The following KIAA1958 variants were observed in gnomAD, a reference collection of about 807,000 sequenced individuals.
The protein encoded by KIAA1958 is uncharacterized protein KIAA1958.
Under a neutral mutation model 47.2 loss-of-function variants are expected in KIAA1958, and 14 were observed. The ratio of observed to expected loss-of-function variants is 0.30; its 90% CI spans 0.20 to 0.46. KIAA1958 has a LOEUF of 0.46. Among genes scored for constraint, KIAA1958 ranks in the 20% least tolerant of loss-of-function variants. The probability of loss-of-function intolerance (pLI) is 1.00; values close to 1 mark genes in which losing one functional copy is unlikely to be tolerated. For missense variants in KIAA1958, 803 were observed against 909.2 expected (o/e 0.88, Z 1.50); for synonymous variants, 354 against 353.3 (o/e 1.00, Z -0.02).
intron 1 of KIAA1958, among the ~76,000 whole-genome samples, chr9:112,541,722 T>C (rs1000535909): frequency 1.3e-5 from 2 of 152,048 alleles, no homozygotes; most frequent in African/African-American, 4.8e-5. Flanking sequence ...ATTCAATTGC[T>C]TGAACCCGGG....
chr9:112,595,249 CT>C (rs1835999838), intron 2 of KIAA1958, among the ~76,000 whole-genome samples: 1 of 152,164 alleles, frequency 6.6e-6, no homozygotes, highest in East Asian at 1.9e-4. Flanking sequence ...AGTGACGAAG[CT>C]ATAGCACTGA....
At chr9:112,563,402 G>A (rs911677009) in intron 1 of KIAA1958, among the ~76,000 whole-genome samples, 2 of 152,164 alleles carry the variant, frequency 1.3e-5, no homozygotes, top group Non-Finnish European at 2.9e-5. Context: ...TTTAATTTCT[G>A]TTAGCATTGT....
intron 1 of KIAA1958, among the ~76,000 whole-genome samples, chr9:112,544,942 T>G (rs1189049894): frequency 6.6e-6 from 1 of 152,124 alleles, no homozygotes; most frequent in Non-Finnish European, 1.5e-5. Context: ...CACTATACCA[T>G]CATATTAATC....
intron 1 of KIAA1958, among the ~76,000 whole-genome samples, chr9:112,502,932 A>T (rs566580504): frequency 6.6e-6 from 1 of 152,252 alleles, no homozygotes; most frequent in East Asian, 1.9e-4. Flanking sequence ...CTAGCCATTT[A>T]CAATGATGAT....
chr9:112,636,910 A>G (rs1836814351), intron 2 of KIAA1958, among the ~76,000 whole-genome samples: 1 of 152,056 alleles, frequency 6.6e-6, no homozygotes, highest in Non-Finnish European at 1.5e-5. Context: ...TTTTGGTCCC[A>G]TCTATTCTTT....
intron 1 of KIAA1958, among the ~76,000 whole-genome samples, chr9:112,501,005 G>A (rs1187100660): frequency 6.6e-6 from 1 of 151,946 alleles, no homozygotes; most frequent in Non-Finnish European, 1.5e-5. Context: ...TGGCTACTTG[G>A]GAGGCTGAGG....
chr9:112,493,749 CTG>C (rs1015015039), intron 1 of KIAA1958, among the ~76,000 whole-genome samples: 17 of 152,186 alleles, frequency 1.1e-4, no homozygotes, highest in African/African-American at 4.1e-4. Flanking sequence ...ATATTTAACA[CTG>C]TTTATCTGTG....
rs12346080 is a variant in KIAA1958 at position 112,621,110 on chromosome 9, G to A, written c.1172-24540G>A. ...ACCAGCTCATCATTAATTTCCAGTG[G>A]TTTGATCCAGAGCTGGGGACACAGT... On this transcript the variant is annotated intron_variant, in intron 2 of 3. Transcript: ENST00000337530. Among the ~76,000 whole-genome samples, 1,179 of 152,176 alleles carry A rather than the reference G, an allele frequency of 7.7e-3. 13 individuals are homozygous for A. Among genetic ancestry groups the A allele is most frequent in the African/African-American group, 0.022 (912 of 41,502 alleles).
intron 1 of KIAA1958, among the ~76,000 whole-genome samples, chr9:112,520,983 T>G (rs58048992): frequency 1.3e-5 from 2 of 152,338 alleles, no homozygotes; most frequent in Admixed American, 6.5e-5. Context: ...TGTTTTGTTT[T>G]CTATTTCTTT....
At chr9:112,536,344 G>A (rs1416422709) in intron 1 of KIAA1958, among the ~76,000 whole-genome samples, 5 of 152,178 alleles carry the variant, frequency 3.3e-5, no homozygotes, top group Admixed American at 3.3e-4. Flanking sequence ...CAAAGTTAGA[G>A]GAGTTAGGAT....
chr9:112,604,086 G>A (rs931219435), intron 2 of KIAA1958, among the ~76,000 whole-genome samples: 1 of 152,042 alleles, frequency 6.6e-6, no homozygotes, highest in African/African-American at 2.4e-5. Flanking sequence ...TTTTAAATTG[G>A]GTACTGTAGC....
chr9:112,586,669 C>T (rs1451048096), intron 2 of KIAA1958, among the ~76,000 whole-genome samples: 1 of 152,168 alleles, frequency 6.6e-6, no homozygotes, highest in Non-Finnish European at 1.5e-5. Flanking sequence ...ATGATTAAGA[C>T]TTCCAAATAT....
At chr9:112,546,829 T>C (rs1835042849) in intron 1 of KIAA1958, among the ~76,000 whole-genome samples, 1 of 152,168 alleles carries the variant, frequency 6.6e-6, no homozygotes. Flanking sequence ...TGAACTCGTC[T>C]TTTCTCTAGG....
At chr9:112,531,709 C>T (rs1564161663) in intron 1 of KIAA1958, among the ~76,000 whole-genome samples, 2 of 152,146 alleles carry the variant, frequency 1.3e-5, no homozygotes, top group Admixed American at 6.5e-5. Flanking sequence ...ACTAGTGAAC[C>T]GGTTCCTATT....
chr9:112,558,080 C>T (rs1262256906), intron 1 of KIAA1958, among the ~76,000 whole-genome samples: 1 of 151,960 alleles, frequency 6.6e-6, no homozygotes, highest in Admixed American at 6.6e-5. Flanking sequence ...AAAAAATTAG[C>T]CGGGCATCGT....
intron 1 of KIAA1958, among the ~76,000 whole-genome samples, chr9:112,546,946 A>G (rs1835045893): frequency 6.6e-6 from 1 of 151,662 alleles, no homozygotes; most frequent in Non-Finnish European, 1.5e-5. Context: ...AGAAATATGT[A>G]TATATATATA....
chr9:112,558,618 C>G (rs906820356), intron 1 of KIAA1958, among the ~76,000 whole-genome samples: 7 of 152,150 alleles, frequency 4.6e-5, no homozygotes, highest in African/African-American at 1.7e-4. Context: ...TTCAGAGTTT[C>G]TAAAATATTT....
intron 1 of KIAA1958, among the ~76,000 whole-genome samples, chr9:112,503,615 T>TAA (rs1341928186): frequency 6.1e-5 from 1 of 16,262 alleles, no homozygotes. Flanking sequence ...AGACCCTGTC[T>TAA]CAAAAAAAAA....
At chr9:112,583,768 C>T (rs1299107357) in intron 2 of KIAA1958, among the ~76,000 whole-genome samples, 1 of 152,128 alleles carries the variant, frequency 6.6e-6, no homozygotes, top group Non-Finnish European at 1.5e-5. Context: ...CACAGACACA[C>T]ACACTTAATT....
Sources: gnomAD v4.1 joint callset for allele counts (sites outside exome capture counted in the v4.1 genomes callset) on GRCh38, gnomAD v4.1.1 for gene constraint, MANE v1.5 for transcripts, NCBI Gene and HGNC (gene_info 2026-07-23, HGNC 2026-07-21) for gene names.